NCAM1: variants seen among roughly 807,000 people sequenced by gnomAD.
NCAM1 encodes neural cell adhesion molecule 1, also known as antigen recognized by monoclonal antibody 5.1H11.
NCAM1 carries 14 observed loss-of-function variants against 109.8 expected under a neutral mutation model. The ratio of observed to expected loss-of-function variants is 0.13; its 90% confidence interval spans 0.08 to 0.20. The LOEUF (loss-of-function observed/expected upper bound fraction) is 0.20, where lower values mean the gene tolerates loss of function less well. Ranked by LOEUF, NCAM1 falls within the 10% of genes least tolerant of loss-of-function variation. The pLI is 1.00. For synonymous variants in NCAM1, 418 were observed against 442.9 expected (o/e 0.94, Z 0.70); for missense variants, 774 against 1,109.9 (o/e 0.70, Z 4.30).
Position 113,239,544 on chromosome 11 carries a change from C to T in NCAM1, c.1825+4380C>T, listed in dbSNP as rs111711979. The stretch of plus-strand genomic sequence containing the variant: ...TTTTTGAGACGGAGTCTCGCTCTGT[C>T]GCCCAGGCTGGAGTGCAGTGGCGGG... On this transcript the variant is annotated intron_variant, in intron 14 of 19. Transcript: ENST00000316851. 7.5e-3 allele frequency among the ~76,000 whole-genome samples: 910 copies of T among 121,754 alleles called. 5 individuals carry two copies. The highest frequency in any genetic ancestry group is 0.027 in the African/African-American group (855 of 31,798). 79.9% of individuals were successfully genotyped at this position (121,754 alleles called of 152,430 possible).
chr11:113,253,445 T>C (rs1297961979), intron 15 of NCAM1, among the ~76,000 whole-genome samples: 6 of 151,468 alleles, frequency 4.0e-5, no homozygotes, highest in African/African-American at 1.2e-4. Context: ...GCAGTGGCTG[T>C]CACTGTTTCA....
intron 1 of NCAM1, among the ~76,000 whole-genome samples, chr11:113,121,917 G>A (rs1565448751): frequency 2.6e-5 from 4 of 152,150 alleles, no homozygotes. Context: ...ATTCTTATCT[G>A]GTCCACATCA....
At chr11:113,198,867 G>A (rs1555111333) in intron 1 of NCAM1, among the ~76,000 whole-genome samples, 1 of 152,162 alleles carries the variant, frequency 6.6e-6, no homozygotes, top group African/African-American at 2.4e-5. Context: ...ATTTCTCTGA[G>A]CCCCAATTTC....
intron 7 of NCAM1, among the ~76,000 whole-genome samples, chr11:113,213,981 G>A (rs552511977): frequency 2.6e-5 from 4 of 152,202 alleles, no homozygotes; most frequent in African/African-American, 9.6e-5. Flanking sequence ...TTGCTTCTTT[G>A]CTTTTATTCA....
At chr11:113,136,346 A>G (rs1555099445) in intron 1 of NCAM1, among the ~76,000 whole-genome samples, 1 of 152,144 alleles carries the variant, frequency 6.6e-6, no homozygotes, top group Non-Finnish European at 1.5e-5. Flanking sequence ...GGGAGGGGAA[A>G]AGGAACAGGT....
chr11:113,006,164 G>A (rs1940697), intron 1 of NCAM1, among the ~76,000 whole-genome samples: 68,607 of 152,038 alleles, frequency 0.45, 16,351 homozygotes, highest in East Asian at 0.8. Flanking sequence ...ATGAATGGCT[G>A]TGTGTACTTC....
intron 7 of NCAM1, among the ~76,000 whole-genome samples, chr11:113,213,909 A>C (rs1280148485): frequency 2.6e-5 from 4 of 152,274 alleles, no homozygotes; most frequent in Admixed American, 2.0e-4. Flanking sequence ...CCAGCCATCC[A>C]GCCTCACCTT....
chr11:113,108,907 C>CTGGTA (rs1940303689), intron 1 of NCAM1, among the ~76,000 whole-genome samples: 1 of 151,372 alleles, frequency 6.6e-6, no homozygotes, highest in Non-Finnish European at 1.5e-5. Context: ...TCCCAAGTAG[C>CTGGTA]TGGTATTTTT....
At chr11:113,046,046 A>G (rs1953256917) in intron 1 of NCAM1, among the ~76,000 whole-genome samples, 1 of 152,224 alleles carries the variant, frequency 6.6e-6, no homozygotes. Flanking sequence ...TTTGGGGAAA[A>G]TAACATGGGA....
At position 113,047,838 on chromosome 11, in the gene NCAM1, A is replaced by G. The variant is rs558182024; in HGVS notation, c.52+86174A>G. 1.2e-4 allele frequency among the ~76,000 whole-genome samples: 18 copies of G among 152,244 alleles called. No homozygotes were observed. The South Asian group carries it at 1.7e-3, about 14-fold the overall frequency. ...TTGTGAGACGTATTCACTATCATGA[A>G]AACAGCACAGGAAAGACCTGCCCCC... On this transcript the variant is annotated intron_variant, in intron 1 of 19. Coordinates refer to ENST00000316851, the MANE Select transcript of NCAM1 (RefSeq NM_181351.5).
At chr11:113,245,757 G>A (rs1591454720) in intron 14 of NCAM1, among the ~76,000 whole-genome samples, 1 of 152,118 alleles carries the variant, frequency 6.6e-6, no homozygotes, top group Admixed American at 6.5e-5. Flanking sequence ...TATGCCATAG[G>A]AAACATGAAA....
intron 1 of NCAM1, among the ~76,000 whole-genome samples, chr11:113,183,569 G>T (rs894923182): frequency 6.6e-6 from 1 of 152,184 alleles, no homozygotes; most frequent in Non-Finnish European, 1.5e-5. Context: ...GTAAATTATA[G>T]TCTGGCTTCT....
At chr11:113,193,267 C>T (rs1272974757) in intron 1 of NCAM1, among the ~76,000 whole-genome samples, 2 of 152,174 alleles carry the variant, frequency 1.3e-5, no homozygotes, top group Non-Finnish European at 2.9e-5. Context: ...GCTTGATCCA[C>T]GGCTTTGGTC....
chr11:113,093,493 T>C (rs568907237), intron 1 of NCAM1, among the ~76,000 whole-genome samples: 1 of 152,220 alleles, frequency 6.6e-6, no homozygotes, highest in African/African-American at 2.4e-5. Context: ...GCCCCACAAC[T>C]CTCATTCAGC....
chr11:113,027,040 A>G (rs1555077460), intron 1 of NCAM1, among the ~76,000 whole-genome samples: 1 of 152,208 alleles, frequency 6.6e-6, no homozygotes, highest in African/African-American at 2.4e-5. Flanking sequence ...ACGATGAGGC[A>G]TGTTCCCTCA....
At chr11:113,153,733 G>A (rs1282588895) in intron 1 of NCAM1, among the ~76,000 whole-genome samples, 2 of 152,182 alleles carry the variant, frequency 1.3e-5, no homozygotes, top group African/African-American at 4.8e-5. Flanking sequence ...GTGTACAGGT[G>A]GCAGTGAGGG....
At chr11:113,031,585 G>A (rs553415085) in intron 1 of NCAM1, among the ~76,000 whole-genome samples, 3 of 151,962 alleles carry the variant, frequency 2.0e-5, no homozygotes, top group Non-Finnish European at 4.4e-5. Flanking sequence ...CCAGCTACTC[G>A]GGAGGCTGAG....
chr11:113,275,064 C>T (rs1400136755), intron 19 of NCAM1, among the ~76,000 whole-genome samples: 1 of 152,182 alleles, frequency 6.6e-6, no homozygotes, highest in African/African-American at 2.4e-5. Flanking sequence ...TGTGTCCGGA[C>T]CAATTAAATC....
At chr11:113,179,458 T>C (rs1943265328) in intron 1 of NCAM1, among the ~76,000 whole-genome samples, 1 of 152,190 alleles carries the variant, frequency 6.6e-6, no homozygotes, top group Non-Finnish European at 1.5e-5. Flanking sequence ...GCCTGGAAAA[T>C]TATCTTTGCC....
Sources: gnomAD v4.1 joint callset for allele counts (sites outside exome capture counted in the v4.1 genomes callset) on GRCh38, gnomAD v4.1.1 for gene constraint, MANE v1.5 for transcripts, NCBI Gene and HGNC (gene_info 2026-07-23, HGNC 2026-07-21) for gene names.